The following SLC6A12 variants were observed in gnomAD, a reference collection of about 807,000 sequenced individuals.
The protein encoded by SLC6A12 is sodium- and chloride-dependent betaine transporter.
In SLC6A12, 50 loss-of-function variants were observed where a neutral mutation model predicts 73.3. That is an observed-to-expected ratio of 0.68 (90% CI 0.54 to 0.86). The LOEUF (loss-of-function observed/expected upper bound fraction) is 0.86, where lower values mean the gene tolerates loss of function less well. Ranked by LOEUF, SLC6A12 falls within the 40% of genes least tolerant of loss-of-function variation. SLC6A12 has a pLI of 0.00. For synonymous variants in SLC6A12, 304 were observed against 309.2 expected (o/e 0.98, Z 0.18); for missense variants, 648 against 772.8 (o/e 0.84, Z 1.92).
At chr12:203,528 G>A (rs1003067830) in intron 4 of SLC6A12, 3 of 152,206 alleles carry the variant, frequency 2.0e-5, no homozygotes, top group African/African-American at 7.2e-5. Context: ...GTGGCGCTGC[G>A]CGGGAGGGAC....
Position 198,759 on chromosome 12 carries a change from G to A in SLC6A12, c.846+38C>T. On this transcript the variant is annotated intron_variant, in intron 8 of 15. Coordinates refer to ENST00000684302, the MANE Select transcript of SLC6A12 (RefSeq NM_001122848.3). The surrounding 1 kb of genome is among the most constrained non-coding windows in gnomAD (Gnocchi z 4.0). ...AAAACTACAGACCTGGCTGGGTGGG[G>A]AAGGCACCTGGGGAAGTGGTCCCAG... 6.2e-7 allele frequency: 1 copy of A among 1,604,478 alleles called. No homozygotes were observed. The highest frequency in any genetic ancestry group is 8.5e-7 in the Non-Finnish European group (1 of 1,172,788).
intron 15 of SLC6A12, 114 bp from the exon 16 acceptor site, chr12:191,325 C>T (rs1939587661): frequency 2.3e-6 from 2 of 863,212 alleles, no homozygotes; most frequent in Non-Finnish European, 3.1e-6. Flanking sequence ...CAGCACCGCA[C>T]AGTATGAGTG....
At chr12:211,401 A>G (rs1017648100) in intron 2 of SLC6A12, among the ~76,000 whole-genome samples, 1 of 152,230 alleles carries the variant, frequency 6.6e-6, no homozygotes, top group African/African-American at 2.4e-5. Context: ...AAATTCTGGT[A>G]TTGGGACCTA....
the SLC6A12 span, among the ~76,000 whole-genome samples, chr12:183,965 TCAAAAA>T: frequency 1.3e-5 from 2 of 151,836 alleles, no homozygotes; most frequent in Admixed American, 6.6e-5. Flanking sequence ...TGGTGTAATC[TCAAAAA>T]CAAAAACTAA....
At position 198,194 on chromosome 12, in the gene SLC6A12, C is replaced by T. The variant is rs748843307; in HGVS notation, c.847-191G>A. On this transcript the variant is annotated intron_variant, in intron 8 of 15. Transcript: ENST00000684302. This position sits in a 1 kb window ranked among gnomAD's most constrained non-coding sequence, Gnocchi z 4.0. ...CGGTGATCTCCTCCCCAGTGCGGCCCAGTTTCGGTTTGGTTCTGTAGGCAC... is the reference window on the plus strand; with the variant it reads ...CGGTGATCTCCTCCCCAGTGCGGCCTAGTTTCGGTTTGGTTCTGTAGGCAC... 5.3e-5 allele frequency among the ~76,000 whole-genome samples: 8 copies of T among 152,174 alleles called. No individual in the cohort carries two copies. Among genetic ancestry groups the T allele is most frequent in the Non-Finnish European group, 1.0e-4 (7 of 68,028 alleles).
intron 2 of SLC6A12, 157 bp from the exon 3 acceptor site, chr12:210,200 C>CA: frequency 4.2e-6 from 5 of 1,201,708 alleles, no homozygotes; most frequent in Non-Finnish European, 5.6e-6. Flanking sequence ...ACTGTAAGAG[C>CA]AAACCTTAGT....
Position 207,569 on chromosome 12 carries a change from T to C in SLC6A12, c.214+2204A>G, listed in dbSNP as rs75956659. Among the ~76,000 whole-genome samples the C allele has an allele frequency of 7.7e-3, 1,172 of 152,326 alleles. 11 individuals are homozygous for C. The highest frequency in any genetic ancestry group is 0.027 in the African/African-American group (1,109 of 41,562). On this transcript the variant is annotated intron_variant, in intron 3 of 15. Transcript: ENST00000684302. ...AATAATCAATAAATTTCCCTGCATATATTAATAAAATTATATTTAAGTGCC... is the reference window on the plus strand; with the variant it reads ...AATAATCAATAAATTTCCCTGCATACATTAATAAAATTATATTTAAGTGCC...
rs754938637 is a variant in SLC6A12 at position 204,696 on chromosome 12, C to A, written c.217G>T (p.Ala73Ser). 1.2e-6 allele frequency: 2 copies of A among 1,613,988 alleles called. No individual in the cohort carries two copies. The highest frequency in any genetic ancestry group is 2.7e-5 in the African/African-American group (2 of 75,022). The change falls in exon 4 of 16, where the codon GCC (alanine) becomes TCC (serine). Residue 73 changes from alanine to serine, a missense_variant and splice_region_variant. By Grantham distance (99) the Ala-to-Ser change is moderately conservative. Transcript: ENST00000684302. ...AAGATGAAGTAGGGGATGAAGAAGGCTCCTGCAGAAGAGAGAGAGGCAGGG... is the reference window on the plus strand; with the variant it reads ...AAGATGAAGTAGGGGATGAAGAAGGATCCTGCAGAAGAGAGAGAGGCAGGG... The part of the protein sequence containing the change: ...PYLCYKNGGG[A>S]FFIPYFIFFF...
Position 201,843 on chromosome 12 carries a change from C to A in SLC6A12, c.497G>T (p.Cys166Phe). Residue 166 changes from cysteine to phenylalanine, a missense_variant, in exon 6 of 16, where the codon TGC becomes TTC. Physicochemically the swap from Cys to Phe is radical, Grantham distance 205. Transcript: ENST00000684302. Reference protein sequence around the residue: ...TCNNFWNTEHCTDFLNHSGAG... With the variant: ...TCNNFWNTEHFTDFLNHSGAG... ...TCCTGAGTGGTTCAGAAAGTCCGTG[C>A]AATGCTCTGTTGGGGACAAGGTTAG... 3 of 1,613,794 alleles carry A rather than the reference C, an allele frequency of 1.9e-6. No individual in the cohort carries two copies. The highest frequency in any genetic ancestry group is 2.5e-6 in the Non-Finnish European group (3 of 1,179,714).
In SLC6A12 at chr12:214,055, G is replaced by A. The variant is rs372715240; in HGVS notation, c.-276C>T. ...AAGGGAAACTGCCCTCCACGTTCAC[G>A]CCTTACCCTGTTCCTCCCAGCGCAG... On this transcript the variant is annotated 5_prime_UTR_variant, in exon 1 of 16. Coordinates refer to ENST00000684302, the MANE Select transcript of SLC6A12 (RefSeq NM_001122848.3). This position sits in a 1 kb window ranked among gnomAD's most constrained non-coding sequence, Gnocchi z 4.2. 2 of 152,456 alleles carry A rather than the reference G, an allele frequency of 1.3e-5. No homozygotes were observed. Among genetic ancestry groups the A allele is most frequent in the African/African-American group, 4.8e-5 (2 of 41,424 alleles). The allele number at this position is 152,456 out of a possible 1,614,324, so 9.4% of individuals were successfully genotyped here.
chr12:202,732 A>G lies in SLC6A12; in HGVS notation c.490+8T>C, dbSNP rs74057611. 17,191 of 1,611,992 alleles carry G rather than the reference A, an allele frequency of 0.011. 969 individuals carry two copies. The African/African-American group carries it at 0.15, about 14-fold the overall frequency. On this transcript the variant is annotated splice_region_variant and intron_variant, in intron 5 of 15. Coordinates refer to ENST00000684302, the MANE Select transcript of SLC6A12 (RefSeq NM_001122848.3). ...AGGCAACATCCCAGGGGCTGAAATG[A>G]TGGATACCTGTGTTCCAAAAGTTGT...
intron 14 of SLC6A12, 70 bp downstream of exon 14, chr12:193,207 C>T (rs1333935861): frequency 6.4e-6 from 7 of 1,099,880 alleles, no homozygotes; most frequent in South Asian, 1.2e-5. Flanking sequence ...GCATGTCAGC[C>T]GTCCTTTCCC....
At chr12:204,802 T>C in intron 3 of SLC6A12, 104 bp from the exon 4 acceptor site, 1 of 1,314,344 alleles carries the variant, frequency 7.6e-7, no homozygotes, top group Non-Finnish European at 1.1e-6. Flanking sequence ...CACCATCCTG[T>C]TCTTAATCTC....
At chr12:212,511 G>A (rs547243563) in intron 1 of SLC6A12, among the ~76,000 whole-genome samples, 169 of 152,290 alleles carry the variant, frequency 1.1e-3, no homozygotes, top group Middle Eastern at 3.4e-3. Flanking sequence ...GACGCAACAT[G>A]ATTTTTTAAA....
intron 9 of SLC6A12, among the ~76,000 whole-genome samples, 154 bp from the exon 10 acceptor site, chr12:197,655 A>C (rs868411606): frequency 1.3e-5 from 2 of 152,086 alleles, no homozygotes; most frequent in African/African-American, 4.8e-5. Flanking sequence ...GAGGAAGGGA[A>C]GAGAGCATGG....
At chr12:183,852 T>G in the SLC6A12 span, among the ~76,000 whole-genome samples, 1 of 151,856 alleles carries the variant, frequency 6.6e-6, no homozygotes. Flanking sequence ...GCCAGATGAT[T>G]TTACAAAATT....
chr12:202,170 C>G (rs1438068569), intron 5 of SLC6A12, among the ~76,000 whole-genome samples: 1 of 152,194 alleles, frequency 6.6e-6, no homozygotes, highest in Non-Finnish European at 1.5e-5. Context: ...CTTCCTGTCT[C>G]TCCACTTGGC....
chr12:187,212 G>C (rs1215811779), downstream of SLC6A12, among the ~76,000 whole-genome samples: 2 of 152,156 alleles, frequency 1.3e-5, no homozygotes, highest in African/African-American at 2.4e-5. Flanking sequence ...AAGGAAACGA[G>C]ATGAAAGTGT....
At chr12:201,975 C>G (rs1435138641) in intron 5 of SLC6A12, 126 bp from the exon 6 acceptor site, 1 of 725,300 alleles carries the variant, frequency 1.4e-6, no homozygotes. Context: ...TTTTGGAGCC[C>G]CCACTCTCCA....
Sources: gnomAD v4.1 joint callset for allele counts (sites outside exome capture counted in the v4.1 genomes callset) on GRCh38, gnomAD v4.1.1 for gene constraint, Gnocchi (gnomAD v3.1) non-coding constraint, MANE v1.5 for transcripts, NCBI Gene and HGNC (gene_info 2026-07-23, HGNC 2026-07-21) for gene names.